Variants in ZFX observed in about 807,000 individuals in gnomAD.
The protein encoded by ZFX is zinc finger X-chromosomal protein.
For missense variants in ZFX, 362 were observed against 628.3 expected (o/e 0.58, Z 4.53); for synonymous variants, 196 against 226.8 (o/e 0.86, Z 1.22).
chrX:24,160,925 C>T (rs2704838), intron 3 of ZFX, among the ~76,000 whole-genome samples: 32,912 of 110,023 alleles, frequency 0.3, 3,658 homozygotes, highest in South Asian at 0.62. Flanking sequence ...ATTGTGATCT[C>T]CATAATTTTC....
intron 5 of ZFX, among the ~76,000 whole-genome samples, chrX:24,201,635 CTT>C (rs1192209356): frequency 8.9e-6 from 1 of 112,269 alleles, no homozygotes; most frequent in African/African-American, 3.2e-5. Context: ...TTGGTGATAA[CTT>C]TATCCCTCCA....
intron 3 of ZFX, among the ~76,000 whole-genome samples, chrX:24,158,965 G>A (rs1932976038): frequency 9.1e-6 from 1 of 109,904 alleles, no homozygotes; most frequent in Admixed American, 9.7e-5. Flanking sequence ...ATCTATTGGC[G>A]TGATGAAGTC....
At chrX:24,189,662 A>G (rs1290918921) in intron 5 of ZFX, among the ~76,000 whole-genome samples, 1 of 111,546 alleles carries the variant, frequency 9.0e-6, no homozygotes. Context: ...ATTATTGGCT[A>G]GGTATGTATT....
chrX:24,209,436 TATG>T (rs983908195), intron 9 of ZFX, among the ~76,000 whole-genome samples: 11 of 112,526 alleles, frequency 9.8e-5, no homozygotes, highest in Admixed American at 4.7e-4. Context: ...CCTATTCTTG[TATG>T]ATGATTTGCG....
At chrX:24,189,967 C>G (rs1408445842) in intron 5 of ZFX, among the ~76,000 whole-genome samples, 1 of 112,112 alleles carries the variant, frequency 8.9e-6, no homozygotes, top group East Asian at 2.8e-4. Context: ...AATTTGAAAA[C>G]TATATATCTA....
chrX:24,180,383 C>CT (rs34794604), intron 5 of ZFX, among the ~76,000 whole-genome samples: 41,832 of 98,718 alleles, frequency 0.42, 7,291 homozygotes, highest in South Asian at 0.75. Flanking sequence ...AAGCTACTTA[C>CT]TTTTTTTTTT....
intron 2 of ZFX, among the ~76,000 whole-genome samples, chrX:24,152,141 T>A (rs977780420): frequency 1.8e-5 from 2 of 109,012 alleles, no homozygotes; most frequent in Non-Finnish European, 3.8e-5. Flanking sequence ...CGTGGTAATT[T>A]TTTTTTTTTT....
Position 24,213,753 on chromosome X carries a change from GCT to G in ZFX, c.*2380_*2381del, listed in dbSNP as rs889898888. On this transcript the variant is annotated 3_prime_UTR_variant, in exon 10 of 10. Coordinates refer to ENST00000304543, the MANE Select transcript of ZFX (RefSeq NM_003410.4). ...ATTCATTGCCCTGCGATTCTTGAAA[GCT>G]CTGTCTGTTTTTTTGTGAGAACCTT... 3.8e-5 allele frequency: 4 copies of G among 103,905 alleles called. No individual in the cohort carries two copies. Among genetic ancestry groups the G allele is most frequent in the East Asian group, 5.9e-4 (2 of 3,383 alleles). 8.6% of individuals were successfully genotyped at this position (103,905 alleles called of 1,213,427 possible).
intron 3 of ZFX, among the ~76,000 whole-genome samples, chrX:24,161,340 T>C (rs937407545): frequency 2.2e-4 from 25 of 112,462 alleles, no homozygotes; most frequent in Non-Finnish European, 3.8e-4. Flanking sequence ...GCAATAAATA[T>C]CTCAATAGGG....
chrX:24,179,584 G>A lies in ZFX; in HGVS notation c.460G>A (p.Glu154Lys). 1 of 1,212,054 alleles carries A rather than the reference G, an allele frequency of 8.3e-7. No individual in the cohort carries two copies. Among genetic ancestry groups the A allele is most frequent in the South Asian group, 1.8e-5 (1 of 57,016 alleles). ...VGHVGHVGHVEHVVHDSVVEA... is the reference protein window; with the variant it reads ...VGHVGHVGHVKHVVHDSVVEA... Reference sequence around the variant, plus strand: ...ACATGTTGGACATGTTGGACATGTTGAACATGTGGTTCATGATAGTGTAGT... The same window carrying A: ...ACATGTTGGACATGTTGGACATGTTAAACATGTGGTTCATGATAGTGTAGT... Residue 154 changes from glutamate (E) to lysine (K), a missense_variant, in exon 5 of 10, where the codon GAA becomes AAA. Transcript: ENST00000304543.
At chrX:24,173,018 C>T in intron 4 of ZFX, 1 of 305,509 alleles carries the variant, frequency 3.3e-6, no homozygotes, top group Non-Finnish European at 5.7e-6. Flanking sequence ...GCAGCAATAT[C>T]AAACCTTAGT....
At chrX:24,158,339 T>TCAAA (rs79996399) in intron 3 of ZFX, among the ~76,000 whole-genome samples, 509 of 110,864 alleles carry the variant, frequency 4.6e-3, no homozygotes, top group Non-Finnish European at 7.0e-3. Flanking sequence ...GGACTTTGTC[T>TCAAA]CAAACAAACA....
At chrX:24,181,541 C>T (rs1935688054) in intron 5 of ZFX, among the ~76,000 whole-genome samples, 1 of 111,826 alleles carries the variant, frequency 8.9e-6, no homozygotes, top group Admixed American at 9.5e-5. Context: ...AAGTTCTGGC[C>T]TTTGCTGATA....
intron 8 of ZFX, 52 bp downstream of exon 8, chrX:24,208,422 A>G: frequency 1.7e-6 from 2 of 1,181,394 alleles, no homozygotes; most frequent in Admixed American, 5.3e-5. Context: ...TTAAACATGA[A>G]TCCATGATTG....
chrX:24,160,245 CTA>C (rs63222660), intron 3 of ZFX, among the ~76,000 whole-genome samples: 21,396 of 105,222 alleles, frequency 0.2, 1,992 homozygotes, highest in South Asian at 0.3. Flanking sequence ...ATACTAAAAA[CTA>C]TAAAATTTTC....
rs1372037950 is a variant in ZFX, at chrX:24,209,023, C to T, written c.1217C>T (p.Ser406Phe). The T allele has an allele frequency of 8.3e-7, 1 of 1,211,535 alleles. No individual in the cohort carries two copies. Among genetic ancestry groups the T allele is most frequent in the East Asian group, 3.0e-5 (1 of 33,834 alleles). The change falls in exon 9 of 10, where the codon TCC (serine) becomes TTC (phenylalanine). Residue 406 changes from serine to phenylalanine, a missense_variant. Ser to Phe is a radical substitution (Grantham distance 155, BLOSUM62 -2). Transcript: ENST00000304543. ...CCAAAGAAAAGGAGAAGACCTGATT[C>T]CAGGCAGTACCAAACAGGTGAGGGC... ...QKPKKRRRPD[S>F]RQYQTAIIIG...
At chrX:24,209,162 A>T in intron 9 of ZFX, 122 bp downstream of exon 9, 1 of 991,722 alleles carries the variant, frequency 1.0e-6, no homozygotes, top group Non-Finnish European at 1.3e-6. Context: ...AGCTTTGTCT[A>T]TTGAACTTGA....
At chrX:24,193,823 A>G (rs1051585731) in intron 5 of ZFX, among the ~76,000 whole-genome samples, 4 of 111,769 alleles carry the variant, frequency 3.6e-5, no homozygotes, top group African/African-American at 1.3e-4. Flanking sequence ...ATACACCTAC[A>G]ATTTACCATC....
chrX:24,199,169 A>G (rs977088489), intron 5 of ZFX, among the ~76,000 whole-genome samples: 5 of 111,575 alleles, frequency 4.5e-5, no homozygotes, highest in Admixed American at 1.9e-4. Flanking sequence ...TGCCGCTGCA[A>G]GTCACACGAG....
Sources: allele counts gnomAD v4.1 joint callset (sites outside exome capture counted in the v4.1 genomes callset), GRCh38; gene constraint gnomAD v4.1.1; transcripts MANE v1.5; gene names NCBI Gene and HGNC (gene_info 2026-07-23, HGNC 2026-07-21).